CHCHD6: variants seen among roughly 807,000 people sequenced by gnomAD.
CHCHD6 encodes MICOS complex subunit MIC25.
In CHCHD6, 28 loss-of-function variants were observed where a neutral mutation model predicts 32.3. That is an observed-to-expected ratio of 0.87 (90% CI 0.64 to 1.19). The LOEUF is 1.19. Among genes scored for constraint, CHCHD6 ranks in the 50% most tolerant of loss-of-function variants. The probability of loss-of-function intolerance (pLI) is 0.00; values close to 1 mark genes in which losing one functional copy is unlikely to be tolerated. For synonymous variants in CHCHD6, 122 were observed against 117.5 expected, an observed-to-expected ratio of 1.04 and a Z score of -0.25; for missense variants, 333 against 307.0, an observed-to-expected ratio of 1.08 and a Z score of -0.63.
At chr3:126,766,927 A>G in intron 4 of CHCHD6, 1 of 1,038,472 alleles carries the variant, frequency 9.6e-7, no homozygotes, top group African/African-American at 1.6e-5. Flanking sequence ...ATAGCCACTG[A>G]AGCCCCAGGA....
chr3:126,718,036 T>C (rs1935101972), intron 1 of CHCHD6, among the ~76,000 whole-genome samples: 1 of 152,140 alleles, frequency 6.6e-6, no homozygotes, highest in Non-Finnish European at 1.5e-5. Flanking sequence ...GGTGTCCCCC[T>C]GTTACTCCAG....
intron 4 of CHCHD6, among the ~76,000 whole-genome samples, chr3:126,835,153 C>G (rs1313118212): frequency 6.6e-6 from 1 of 152,136 alleles, no homozygotes; most frequent in Non-Finnish European, 1.5e-5. Flanking sequence ...GAGAGCTTAA[C>G]TGATGGAGAT....
intron 4 of CHCHD6, among the ~76,000 whole-genome samples, chr3:126,837,710 G>A (rs532963384): frequency 6.6e-6 from 1 of 152,286 alleles, no homozygotes; most frequent in East Asian, 1.9e-4. Flanking sequence ...TGTTTCATGA[G>A]GTGTCACTGA....
At chr3:126,744,113 A>G (rs1383500192) in intron 4 of CHCHD6, among the ~76,000 whole-genome samples, 1 of 152,184 alleles carries the variant, frequency 6.6e-6, no homozygotes, top group Non-Finnish European at 1.5e-5. Context: ...ACCTGACAGC[A>G]GTATATTTTC....
intron 4 of CHCHD6, among the ~76,000 whole-genome samples, chr3:126,794,192 A>T (rs1024797874): frequency 4.1e-4 from 63 of 151,854 alleles, no homozygotes; most frequent in Admixed American, 1.4e-3. Flanking sequence ...TCTGTATCAT[A>T]CGTTTCTCCT....
intron 6 of CHCHD6, among the ~76,000 whole-genome samples, chr3:126,915,391 G>T (rs1471227934): frequency 6.6e-6 from 1 of 152,230 alleles, no homozygotes; most frequent in Non-Finnish European, 1.5e-5. Context: ...CAGTACCAGT[G>T]TGGCTCTGCT....
At chr3:126,932,291 A>G (rs2078417655) in intron 6 of CHCHD6, among the ~76,000 whole-genome samples, 1 of 152,128 alleles carries the variant, frequency 6.6e-6, no homozygotes, top group African/African-American at 2.4e-5. Context: ...GAATCATGGA[A>G]TAGAGTCCTG....
chr3:126,780,360 A>T, intron 4 of CHCHD6: 1 of 437,402 alleles, frequency 2.3e-6, no homozygotes, highest in Admixed American at 2.5e-5. Flanking sequence ...GACATGATTC[A>T]AAAGTCCAAA....
intron 4 of CHCHD6, among the ~76,000 whole-genome samples, chr3:126,795,795 C>G (rs753458831): frequency 2.0e-5 from 3 of 152,146 alleles, no homozygotes; most frequent in Non-Finnish European, 4.4e-5. Flanking sequence ...GACCTTCAGT[C>G]CCCTCTTTTC....
At chr3:126,843,291 T>C (rs1317939401) in intron 4 of CHCHD6, among the ~76,000 whole-genome samples, 1 of 152,204 alleles carries the variant, frequency 6.6e-6, no homozygotes, top group African/African-American at 2.4e-5. Context: ...TGCACATTGA[T>C]GGAACTGATT....
chr3:126,767,523 C>A, intron 4 of CHCHD6: 1 of 490,930 alleles, frequency 2.0e-6, no homozygotes, highest in Non-Finnish European at 3.8e-6. Context: ...CTGTCCAGAC[C>A]ATGATTTTCC....
chr3:126,909,236 C>T (rs1292585403), intron 5 of CHCHD6, among the ~76,000 whole-genome samples: 1 of 152,268 alleles, frequency 6.6e-6, no homozygotes, highest in African/African-American at 2.4e-5. Flanking sequence ...GTTTTCTTCA[C>T]ATCTGTGATT....
intron 5 of CHCHD6, among the ~76,000 whole-genome samples, chr3:126,892,456 C>T (rs1372430662): frequency 6.6e-6 from 1 of 152,202 alleles, no homozygotes; most frequent in Non-Finnish European, 1.5e-5. Context: ...CCGCAGGGTG[C>T]TCACAACTTC....
chr3:126,858,024 G>C (rs987040438), intron 5 of CHCHD6, among the ~76,000 whole-genome samples: 2 of 152,164 alleles, frequency 1.3e-5, no homozygotes, highest in African/African-American at 4.8e-5. Context: ...TGTCATTCAC[G>C]ATAGCCCTGA....
intron 4 of CHCHD6, among the ~76,000 whole-genome samples, chr3:126,734,963 A>G (rs1353540822): frequency 6.6e-6 from 1 of 152,200 alleles, no homozygotes. Context: ...TTGTGCTTTT[A>G]GAACCCCATG....
chr3:126,775,135 AT>A (rs1472504670), intron 4 of CHCHD6, among the ~76,000 whole-genome samples: 9 of 152,154 alleles, frequency 5.9e-5, no homozygotes, highest in Non-Finnish European at 1.0e-4. Context: ...GCAGTGTCTT[AT>A]TTTTTGACCT....
chr3:126,925,167 A>G (rs1184863415), intron 6 of CHCHD6, among the ~76,000 whole-genome samples: 2 of 152,200 alleles, frequency 1.3e-5, no homozygotes, highest in African/African-American at 4.8e-5. Context: ...ACCACGAATA[A>G]TCAAGTGCTG....
In CHCHD6 at chr3:126,733,211, T is replaced by G. The variant is rs1325467142; in HGVS notation, c.400T>G (p.Ser134Ala). ...EGSISHEEQK[S>A]VRLARELESR... ...CAGCATCAGCCATGAGGAGCAGAAG[T>G]CAGTCCGGCTGGTGAGTGCAGATTT... The change falls in exon 4 of 8, where the codon TCA (serine) becomes GCA (alanine). Residue 134 changes from serine to alanine, a missense_variant. Physicochemically the swap from Ser to Ala is moderately conservative, Grantham distance 99. Transcript: ENST00000290913. 2 of 1,613,820 alleles carry G rather than the reference T, an allele frequency of 1.2e-6. No individual in the cohort carries two copies. The highest frequency in any genetic ancestry group is 3.3e-5 in the Admixed American group (2 of 59,974).
At chr3:126,943,067 C>G (rs2078583958) in intron 6 of CHCHD6, among the ~76,000 whole-genome samples, 1 of 152,138 alleles carries the variant, frequency 6.6e-6, no homozygotes, top group African/African-American at 2.4e-5. Flanking sequence ...TATGTATTTG[C>G]TCAATCAGTG....
Sources: gnomAD v4.1 joint callset for allele counts (sites outside exome capture counted in the v4.1 genomes callset) on GRCh38, gnomAD v4.1.1 for gene constraint, MANE v1.5 for transcripts, NCBI Gene and HGNC (gene_info 2026-07-23, HGNC 2026-07-21) for gene names.